The following DISC1 variants were observed in gnomAD, a reference collection of about 807,000 sequenced individuals.
The protein encoded by DISC1 is DISC1 scaffold protein.
A neutral mutation model predicts 84.5 loss-of-function variants in DISC1; 57 were observed. The observed-to-expected ratio is 0.67, with a 90% confidence interval of 0.55 to 0.84. The LOEUF (loss-of-function observed/expected upper bound fraction) is 0.84. Ranked by LOEUF, DISC1 falls within the 40% of genes least tolerant of loss-of-function variation. The pLI is 0.00. For missense variants in DISC1, 1,000 were observed against 1,057.8 expected (o/e 0.95, Z 0.76); for synonymous variants, 411 against 415.2 (o/e 0.99, Z 0.12).
chr1:231,881,229 T>A (rs939497112), intron 9 of DISC1, among the ~76,000 whole-genome samples: 4 of 152,176 alleles, frequency 2.6e-5, no homozygotes, highest in Non-Finnish European at 4.4e-5. Context: ...TCTGCATTGG[T>A]CTGCTTGAGC....
At chr1:231,821,013 T>TTAAAATACAAGA (rs1301444208) in intron 9 of DISC1, among the ~76,000 whole-genome samples, 1 of 152,216 alleles carries the variant, frequency 6.6e-6, no homozygotes, top group East Asian at 1.9e-4. Flanking sequence ...CATGCATCAC[T>TTAAAATACAAGA]TAAAATATCA....
intron 9 of DISC1, among the ~76,000 whole-genome samples, chr1:231,824,584 A>T (rs2081723789): frequency 6.6e-6 from 1 of 152,024 alleles, no homozygotes; most frequent in African/African-American, 2.4e-5. Flanking sequence ...TTGCCTGTGA[A>T]TTTCTAAGCT....
rs769080854 is a variant in DISC1 at position 231,694,127 on chromosome 1, A to G, written c.369A>G (p.Arg123=). The change falls in exon 2 of 13, where the codon AGA becomes AGG. Residue 123 remains arginine, a synonymous_variant. Transcript: ENST00000439617. Reference sequence around the variant, plus strand: ...CGGCGCACTTTGGGATTCAGCTCAGAGGTGGCACCAGATTGCCTGACAGGC... The same window carrying G: ...CGGCGCACTTTGGGATTCAGCTCAGGGGTGGCACCAGATTGCCTGACAGGC... ...GTSAHFGIQL[R]GGTRLPDRLS... The G allele has an allele frequency of 4.3e-6, 7 of 1,614,076 alleles. No homozygotes were observed. The highest frequency in any genetic ancestry group is 3.3e-5 in the Admixed American group (2 of 60,012).
chr1:231,920,103 A>G (rs1185508753), intron 9 of DISC1, among the ~76,000 whole-genome samples: 1 of 152,126 alleles, frequency 6.6e-6, no homozygotes, highest in East Asian at 1.9e-4. Flanking sequence ...CCCCACTCTC[A>G]GTTGTGACAA....
intron 9 of DISC1, among the ~76,000 whole-genome samples, chr1:231,830,543 T>C (rs956389934): frequency 1.2e-4 from 19 of 152,304 alleles, no homozygotes; most frequent in African/African-American, 3.9e-4. Flanking sequence ...TCAGCTGTGA[T>C]GGCTTGGAAA....
chr1:231,955,178 G>A (rs183518441), intron 9 of DISC1, among the ~76,000 whole-genome samples: 92 of 152,262 alleles, frequency 6.0e-4, no homozygotes, highest in African/African-American at 1.5e-3. Flanking sequence ...TAAATGGCGC[G>A]TTGCGTACGA....
intron 12 of DISC1, among the ~76,000 whole-genome samples, chr1:232,035,505 C>CTTT (rs1670434403): frequency 6.6e-6 from 1 of 152,104 alleles, no homozygotes; most frequent in Non-Finnish European, 1.5e-5. Context: ...GTCTTTTTCT[C>CTTT]TTTTTGTTGC....
chr1:231,767,161 C>T lies in DISC1; in HGVS notation c.1290C>T (p.His430=), dbSNP rs768813899. The change falls in exon 5 of 13, where the codon CAC becomes CAT. Residue 430 remains histidine, a synonymous_variant. Transcript: ENST00000439617. The part of the protein sequence containing the change: ...ATQQASGDDT[H]TPLRMEPRLL... ...TAAGGGCCAGCGGAGATGACACCCA[C>T]ACCCCACTGAGAATGGAGCCGAGGC... 1 of 1,614,092 alleles carries T rather than the reference C, an allele frequency of 6.2e-7. No individual in the cohort carries two copies. The highest frequency in any genetic ancestry group is 1.3e-5 in the African/African-American group (1 of 74,946).
At chr1:231,680,794 T>C (rs1324602361) in intron 1 of DISC1, among the ~76,000 whole-genome samples, 1 of 152,188 alleles carries the variant, frequency 6.6e-6, no homozygotes, top group Non-Finnish European at 1.5e-5. Flanking sequence ...TAAACACTTA[T>C]CTAAGTTGGC....
intron 1 of DISC1, among the ~76,000 whole-genome samples, chr1:231,660,424 C>T (rs2061478635): frequency 6.6e-6 from 1 of 151,970 alleles, no homozygotes; most frequent in Non-Finnish European, 1.5e-5. Flanking sequence ...CTCTGTCCAG[C>T]TTGCCATTCT....
At chr1:231,998,952 T>C (rs1666310520) in intron 10 of DISC1, among the ~76,000 whole-genome samples, 1 of 152,162 alleles carries the variant, frequency 6.6e-6, no homozygotes, top group South Asian at 2.1e-4. Flanking sequence ...TAAAGCACTT[T>C]TCTTCTTGTT....
intron 11 of DISC1, among the ~76,000 whole-genome samples, chr1:232,012,077 T>A (rs1668068403): frequency 6.6e-6 from 1 of 152,168 alleles, no homozygotes; most frequent in Non-Finnish European, 1.5e-5. Context: ...AGAGGCTAAT[T>A]TGTGTTAACT....
chr1:231,757,120 G>A (rs2075222083), intron 4 of DISC1, among the ~76,000 whole-genome samples: 1 of 152,158 alleles, frequency 6.6e-6, no homozygotes, highest in South Asian at 2.1e-4. Flanking sequence ...GTATCAACAT[G>A]AACAATGTTA....
chr1:231,916,571 C>G (rs889248073), intron 9 of DISC1, among the ~76,000 whole-genome samples: 1 of 145,362 alleles, frequency 6.9e-6, no homozygotes, highest in African/African-American at 2.6e-5. Flanking sequence ...AGGAGAATGG[C>G]GTGAACCCGG....
chr1:231,892,160 A>G (rs2087282651), intron 9 of DISC1, among the ~76,000 whole-genome samples: 3 of 152,214 alleles, frequency 2.0e-5, no homozygotes, highest in Non-Finnish European at 1.5e-5. Flanking sequence ...GAATGGCCAC[A>G]TAATGTTGGA....
chr1:231,841,178 A>G (rs2083027556), intron 9 of DISC1, among the ~76,000 whole-genome samples: 1 of 152,242 alleles, frequency 6.6e-6, no homozygotes, highest in Non-Finnish European at 1.5e-5. Context: ...CAGATCTTCC[A>G]AAAGCTGAAA....
chr1:231,991,016 C>G (rs1040824679), intron 10 of DISC1, among the ~76,000 whole-genome samples: 7 of 152,214 alleles, frequency 4.6e-5, no homozygotes, highest in African/African-American at 1.4e-4. Flanking sequence ...CCTCGCCAGG[C>G]GGCACCTGTG....
At chr1:231,737,618 A>G (rs1032856821) in intron 3 of DISC1, among the ~76,000 whole-genome samples, 1 of 152,234 alleles carries the variant, frequency 6.6e-6, no homozygotes, top group Admixed American at 6.5e-5. Context: ...ATTCACACAA[A>G]TGAGGAGACT....
chr1:231,630,923 G>A lies in DISC1; in HGVS notation c.67+3989G>A, dbSNP rs2058658808. Among the ~76,000 whole-genome samples the A allele has an allele frequency of 6.6e-6, 1 of 152,148 alleles. No homozygotes were observed. The highest frequency in any genetic ancestry group is 2.1e-4 in the South Asian group (1 of 4,830). On this transcript the variant is annotated intron_variant, in intron 1 of 12. Coordinates refer to ENST00000439617, the MANE Select transcript of DISC1 (RefSeq NM_018662.3). This position sits in a 1 kb window ranked among gnomAD's most constrained non-coding sequence, Gnocchi z 4.4. The stretch of plus-strand genomic sequence containing the variant: ...ATGAATGAAATACTGACATTTAGCT[G>A]TAGAAGGTAGGCAGGGGCTCACATG...
Sources: allele counts gnomAD v4.1 joint callset (sites outside exome capture counted in the v4.1 genomes callset), GRCh38; gene constraint gnomAD v4.1.1; non-coding constraint Gnocchi (gnomAD v3.1); transcripts MANE v1.5; gene names NCBI Gene and HGNC (gene_info 2026-07-23, HGNC 2026-07-21).